Variants in TUT4 observed in about 807,000 individuals in gnomAD.
The protein encoded by TUT4 is terminal uridylyltransferase 4.
Under a neutral mutation model 192.2 loss-of-function variants are expected in TUT4, and 36 were observed. The observed-to-expected ratio is 0.19, with a 90% confidence interval of 0.14 to 0.25. TUT4 has a LOEUF of 0.25. Ranked by LOEUF, TUT4 falls within the 10% of genes least tolerant of loss-of-function variation. The pLI, the probability that TUT4 is intolerant of heterozygous loss-of-function variation, is 1.00. For missense variants in TUT4, 1,493 were observed against 1,957.2 expected, an observed-to-expected ratio of 0.76 and a Z score of 4.47; for synonymous variants, 618 against 666.0, an observed-to-expected ratio of 0.93 and a Z score of 1.11.
intron 20 of TUT4, among the ~76,000 whole-genome samples, chr1:52,450,117 A>T (rs548090603): frequency 7.2e-5 from 11 of 152,336 alleles, no homozygotes; most frequent in African/African-American, 2.4e-4. Flanking sequence ...TAAAGAACTT[A>T]GTACTGCTGA....
chr1:52,445,394 T>G (rs1249869536), intron 24 of TUT4, among the ~76,000 whole-genome samples: 1 of 152,192 alleles, frequency 6.6e-6, no homozygotes, highest in Non-Finnish European at 1.5e-5. Flanking sequence ...TCGAGATTTC[T>G]GAAGATAAAA....
At position 52,450,265 on chromosome 1, in the gene TUT4, C is replaced by T. The variant is rs1408499900; in HGVS notation, c.3436-3598G>A. Among the ~76,000 whole-genome samples, 5 of 152,042 alleles carry T rather than the reference C, an allele frequency of 3.3e-5. No individual in the cohort carries two copies. In the East Asian group the frequency reaches 9.6e-4, roughly 29 times the overall value. ...TTAAAAGATAATTGATGCCAATGGTCAATACTTAAATGATGCCAGAGCAAT... is the reference window on the plus strand; with the variant it reads ...TTAAAAGATAATTGATGCCAATGGTTAATACTTAAATGATGCCAGAGCAAT... On this transcript the variant is annotated intron_variant, in intron 20 of 29. Transcript: ENST00000257177.
intron 4 of TUT4, among the ~76,000 whole-genome samples, chr1:52,502,672 G>C (rs1291621717): frequency 7.5e-6 from 1 of 132,740 alleles, no homozygotes; most frequent in African/African-American, 2.9e-5. Context: ...AGGTTGGCGT[G>C]GCGTGCAATT....
intron 20 of TUT4, among the ~76,000 whole-genome samples, chr1:52,447,569 GAAGAA>G (rs1235213229): frequency 6.6e-6 from 1 of 151,480 alleles, no homozygotes; most frequent in African/African-American, 2.4e-5. Context: ...GTCCTAAGGA[GAAGAA>G]AAAAGGAGAA....
At chr1:52,426,427 T>G (rs1343316362) in intron 28 of TUT4, among the ~76,000 whole-genome samples, 1 of 152,200 alleles carries the variant, frequency 6.6e-6, no homozygotes, top group Non-Finnish European at 1.5e-5. Context: ...CCAGTTTATA[T>G]TCTGGATCAT....
chr1:52,475,154 G>C lies in TUT4; in HGVS notation c.2405C>G (p.Thr802Ser). ...DHGQDSSSLS[T>S]SKSSEIEPKL... ...TGGCTCTATTTCACTGCTTTTGCTG[G>C]TAGAAAGAGATGAAGAGTCCTGTCC... Residue 802 changes from threonine (T) to serine (S), a missense_variant, in exon 13 of 30, where the codon ACC becomes AGC. By Grantham distance (58) the Thr-to-Ser change is moderately conservative. Transcript: ENST00000257177. The C allele has an allele frequency of 6.2e-7, 1 of 1,614,028 alleles. No individual in the cohort carries two copies. The highest frequency in any genetic ancestry group is 2.2e-5 in the East Asian group (1 of 44,876).
chr1:52,493,707 C>T lies in TUT4; in HGVS notation c.1267-45G>A, dbSNP rs372852183. 3.5e-5 allele frequency: 42 copies of T among 1,211,894 alleles called. No individual in the cohort carries two copies. In the Middle Eastern group the frequency reaches 2.5e-3, roughly 72 times the overall value. 75.1% of individuals were successfully genotyped at this position (1,211,894 alleles called of 1,614,324 possible). The stretch of plus-strand genomic sequence containing the variant: ...AAATCGATATACTAATTTCAAAGTT[C>T]GGACAGCAGAACATTAAGGAAAACT... On this transcript the variant is annotated intron_variant, in intron 6 of 29. Transcript: ENST00000257177.
chr1:52,527,016 G>A (rs1002780344), intron 1 of TUT4, among the ~76,000 whole-genome samples: 9 of 151,688 alleles, frequency 5.9e-5, no homozygotes, highest in South Asian at 2.1e-4. Context: ...AAGAAGGAAC[G>A]AAACTCCATC....
At chr1:52,470,009 G>A (rs1051277637) in intron 14 of TUT4, among the ~76,000 whole-genome samples, 2 of 151,954 alleles carry the variant, frequency 1.3e-5, no homozygotes, top group African/African-American at 4.8e-5. Context: ...AGCAGTGACA[G>A]CCCAGTAACA....
intron 4 of TUT4, among the ~76,000 whole-genome samples, chr1:52,509,257 ATTC>A (rs1249040248): frequency 4.6e-5 from 7 of 152,192 alleles, no homozygotes; most frequent in African/African-American, 1.7e-4. Flanking sequence ...GCCCTCATCA[ATTC>A]TTAGAAAATC....
At chr1:52,531,294 T>TAACTCACTACAGCTA (rs941217453) in intron 1 of TUT4, among the ~76,000 whole-genome samples, 3 of 152,030 alleles carry the variant, frequency 2.0e-5, no homozygotes, top group African/African-American at 7.2e-5. Context: ...GATGCCATTC[T>TAACTCACTACAGCTA]AACTCACTAC....
rs564950113 is a variant in TUT4 at position 52,450,517 on chromosome 1, A to G, written c.3436-3850T>C. Among the ~76,000 whole-genome samples, 4 of 152,330 alleles carry G rather than the reference A, an allele frequency of 2.6e-5. No homozygotes were observed. The East Asian group carries it at 7.7e-4, about 29-fold the overall frequency. ...GTAGTCCTACCTACATTTTTCCAAT[A>G]ATAATAGCAATAATGCTGCTAATGA... On this transcript the variant is annotated intron_variant, in intron 20 of 29. Transcript: ENST00000257177.
intron 5 of TUT4, 44 bp from the exon 6 acceptor site, chr1:52,495,559 T>G (rs367720549): frequency 1.5e-4 from 223 of 1,442,076 alleles, no homozygotes; most frequent in Non-Finnish European, 2.0e-4. Flanking sequence ...AGCATGCAAA[T>G]ATGAGAGATG....
chr1:52,452,315 C>T (rs1270761843), intron 20 of TUT4, among the ~76,000 whole-genome samples: 3 of 152,142 alleles, frequency 2.0e-5, no homozygotes, highest in Non-Finnish European at 4.4e-5. Flanking sequence ...AATTGGCCTC[C>T]AAACCCATTT....
intron 1 of TUT4, among the ~76,000 whole-genome samples, chr1:52,528,860 G>C (rs1320240704): frequency 6.6e-6 from 1 of 151,938 alleles, no homozygotes; most frequent in African/African-American, 2.4e-5. Context: ...GAACACAGGC[G>C]CACACCACCA....
At chr1:52,440,283 A>G (rs1358916068) in intron 24 of TUT4, among the ~76,000 whole-genome samples, 1 of 152,082 alleles carries the variant, frequency 6.6e-6, no homozygotes, top group East Asian at 1.9e-4. Context: ...ATTCCAATGA[A>G]GCTGTTTGGT....
chr1:52,441,251 T>C (rs1655423233), intron 24 of TUT4, among the ~76,000 whole-genome samples: 1 of 150,008 alleles, frequency 6.7e-6, no homozygotes, highest in Non-Finnish European at 1.5e-5. Context: ...AGGGCAGAGG[T>C]AAAAGGTGGG....
intron 4 of TUT4, 21 bp from the exon 5 acceptor site, chr1:52,497,204 A>G: frequency 1.3e-6 from 2 of 1,550,372 alleles, no homozygotes; most frequent in South Asian, 2.5e-5. Flanking sequence ...AATGATTCAC[A>G]ACAATAAAAA....
intron 1 of TUT4, among the ~76,000 whole-genome samples, chr1:52,532,214 ACT>A (rs920009304): frequency 6.6e-6 from 1 of 151,192 alleles, no homozygotes; most frequent in African/African-American, 2.4e-5. Flanking sequence ...GAAAAACAGT[ACT>A]CTCTTGCCAA....
Sources: gnomAD v4.1 joint callset for allele counts (sites outside exome capture counted in the v4.1 genomes callset) on GRCh38, gnomAD v4.1.1 for gene constraint, MANE v1.5 for transcripts, NCBI Gene and HGNC (gene_info 2026-07-23, HGNC 2026-07-21) for gene names.